Variants in C20orf203 observed in about 807,000 individuals in gnomAD.
C20orf203 encodes the protein uncharacterized protein C20orf203.
In C20orf203, 16 loss-of-function variants were observed where a neutral mutation model predicts 15.9. That is an observed-to-expected ratio of 1.01 (90% CI 0.68 to 1.53). The LOEUF (loss-of-function observed/expected upper bound fraction) is 1.53. Among genes scored for constraint, C20orf203 ranks in the 40% most tolerant of loss-of-function variants. The pLI, the probability that C20orf203 is intolerant of heterozygous loss-of-function variation, is 0.00. For synonymous variants in C20orf203, 98 were observed against 97.2 expected, an observed-to-expected ratio of 1.01 and a Z score of -0.05; for missense variants, 263 against 247.5, an observed-to-expected ratio of 1.06 and a Z score of -0.42.
At chr20:32,672,973 GA>G (rs1343272835) in intron 1 of C20orf203, among the ~76,000 whole-genome samples, 1 of 152,178 alleles carries the variant, frequency 6.6e-6, no homozygotes, top group Admixed American at 6.5e-5. Context: ...TTGAGAGCCA[GA>G]AGGCCTCAGG....
intron 1 of C20orf203, among the ~76,000 whole-genome samples, chr20:32,663,644 T>C (rs1982949315): frequency 6.6e-6 from 1 of 152,242 alleles, no homozygotes; most frequent in Non-Finnish European, 1.5e-5. Flanking sequence ...ATTGCATTTA[T>C]AATTAGACAT....
At chr20:32,670,062 C>A (rs1983125836) in intron 1 of C20orf203, among the ~76,000 whole-genome samples, 1 of 152,112 alleles carries the variant, frequency 6.6e-6, no homozygotes, top group African/African-American at 2.4e-5. Context: ...CTTAGCTGGG[C>A]ATGGTGGCGT....
At chr20:32,661,477 C>A (rs978155024) in intron 1 of C20orf203, among the ~76,000 whole-genome samples, 1 of 152,198 alleles carries the variant, frequency 6.6e-6, no homozygotes, top group Non-Finnish European at 1.5e-5. Flanking sequence ...GGTGTCCAGC[C>A]CTGGCCCTCC....
chr20:32,663,754 C>A (rs544961621), intron 1 of C20orf203, among the ~76,000 whole-genome samples: 8 of 152,352 alleles, frequency 5.3e-5, no homozygotes, highest in Non-Finnish European at 1.5e-5. Flanking sequence ...GCTGCTTGGG[C>A]GCTGGGCTCT....
chr20:32,655,302 T>C (rs146329578), intron 1 of C20orf203, among the ~76,000 whole-genome samples: 38 of 152,336 alleles, frequency 2.5e-4, no homozygotes, highest in African/African-American at 9.1e-4. Context: ...TCAGGCATGG[T>C]GGCTCACACC....
intron 1 of C20orf203, among the ~76,000 whole-genome samples, chr20:32,664,669 C>G (rs1349725932): frequency 1.3e-5 from 2 of 152,214 alleles, no homozygotes; most frequent in African/African-American, 2.4e-5. Flanking sequence ...GCTTGGCAGT[C>G]CCCCACAGTG....
intron 4 of C20orf203, among the ~76,000 whole-genome samples, chr20:32,646,631 G>A (rs1297860568): frequency 6.6e-6 from 1 of 152,216 alleles, no homozygotes; most frequent in Non-Finnish European, 1.5e-5. Flanking sequence ...GAAACACAAG[G>A]AATAGGCCCC....
chr20:32,654,654 G>A (rs1016391126), intron 1 of C20orf203, among the ~76,000 whole-genome samples: 2 of 152,052 alleles, frequency 1.3e-5, no homozygotes, highest in South Asian at 4.1e-4. Context: ...ACCAGCCTGG[G>A]TGATATGGTG....
chr20:32,648,082 C>T (rs949369236), intron 4 of C20orf203, among the ~76,000 whole-genome samples: 11 of 152,344 alleles, frequency 7.2e-5, no homozygotes, highest in Non-Finnish European at 1.5e-4. Context: ...ACTTGGGCTA[C>T]TTGCCCAAGG....
chr20:32,640,759 C>T (rs1380838626), intron 4 of C20orf203, 72 bp from the exon 5 acceptor site: 1 of 152,036 alleles, frequency 6.6e-6, no homozygotes, highest in Non-Finnish European at 1.5e-5. Context: ...TCATCATTCC[C>T]AAAAGAAACC....
In C20orf203 at chr20:32,650,891, A is replaced by T; in HGVS notation, c.136-10T>A. The T allele has an allele frequency of 6.9e-7, 1 of 1,446,892 alleles. No individual in the cohort carries two copies. Among genetic ancestry groups the T allele is most frequent in the Non-Finnish European group, 9.1e-7 (1 of 1,097,168 alleles). 89.6% of individuals were successfully genotyped at this position (1,446,892 alleles called of 1,614,324 possible). On this transcript the variant is annotated splice_polypyrimidine_tract_variant and intron_variant, in intron 3 of 5. Coordinates refer to ENST00000608990, the MANE Select transcript of C20orf203 (RefSeq NM_182584.4). ...CCAAGACTGATGTGGCCTGTTGGGA[A>T]CAAGGCCCCCAAGAAGATCATAGAA...
rs573914216 is a variant in C20orf203 at position 32,650,125 on chromosome 20, G to T, written c.*307C>A. ...GACCAAGCCAGAGAGATGTGCCAGC[G>T]CCTCCCAAGGGAGAAGCCATTCTCC... is the stretch of plus-strand genomic sequence containing the variant. On this transcript the variant is annotated 3_prime_UTR_variant, in exon 4 of 6. Transcript: ENST00000608990. 7 of 331,262 alleles carry T rather than the reference G, an allele frequency of 2.1e-5. No individual in the cohort carries two copies. In the South Asian group the frequency reaches 3.4e-4, roughly 16 times the overall value. 20.5% of individuals were successfully genotyped at this position (331,262 alleles called of 1,614,324 possible).
chr20:32,671,609 G>A (rs1234482471), intron 1 of C20orf203, among the ~76,000 whole-genome samples: 3 of 151,366 alleles, frequency 2.0e-5, no homozygotes, highest in Non-Finnish European at 4.4e-5. Context: ...TTGGGAGGCC[G>A]AGGTGGGCAA....
At chr20:32,634,731 A>G (rs1184848996) in intron 5 of C20orf203, among the ~76,000 whole-genome samples, 1 of 152,130 alleles carries the variant, frequency 6.6e-6, no homozygotes, top group Non-Finnish European at 1.5e-5. Context: ...GGCACCAGAC[A>G]ATGCATCTGA....
At chr20:32,654,788 G>A (rs1329300123) in intron 1 of C20orf203, among the ~76,000 whole-genome samples, 3 of 152,126 alleles carry the variant, frequency 2.0e-5, no homozygotes, top group African/African-American at 7.2e-5. Context: ...AGATTGCAGT[G>A]AACCAAGAAT....
intron 4 of C20orf203, among the ~76,000 whole-genome samples, chr20:32,643,935 C>G (rs1292522752): frequency 6.6e-6 from 1 of 152,162 alleles, no homozygotes; most frequent in Non-Finnish European, 1.5e-5. Context: ...ACCATGAAAG[C>G]ATCATGGCCC....
At position 32,642,846 on chromosome 20, in the gene C20orf203, G is replaced by C. The variant is rs547685477; in HGVS notation, c.*1178-2159C>G. Among the ~76,000 whole-genome samples, 6 of 152,202 alleles carry C rather than the reference G, an allele frequency of 3.9e-5. No individual in the cohort carries two copies. The South Asian group carries it at 1.0e-3, about 26-fold the overall frequency. Reference sequence around the variant, plus strand: ...ACCATCTCCTTGCTGTGTAACCATGGACAAGTTACTCTCCATCTCTGAGCC... The same window carrying C: ...ACCATCTCCTTGCTGTGTAACCATGCACAAGTTACTCTCCATCTCTGAGCC... On this transcript the variant is annotated intron_variant, in intron 4 of 5. Transcript: ENST00000608990.
chr20:32,645,710 G>A (rs2145666567), intron 4 of C20orf203, among the ~76,000 whole-genome samples: 1 of 152,284 alleles, frequency 6.6e-6, no homozygotes, highest in South Asian at 2.1e-4. Flanking sequence ...CCATCTTCAG[G>A]CTGTCTGAGA....
At chr20:32,641,981 GCACC>G (rs1378254451) in intron 4 of C20orf203, among the ~76,000 whole-genome samples, 1 of 152,036 alleles carries the variant, frequency 6.6e-6, no homozygotes, top group African/African-American at 2.4e-5. Flanking sequence ...GGGACTACAG[GCACC>G]AGGCACACAC....
Sources: gnomAD v4.1 joint callset for allele counts (sites outside exome capture counted in the v4.1 genomes callset) on GRCh38, gnomAD v4.1.1 for gene constraint, MANE v1.5 for transcripts, NCBI Gene and HGNC (gene_info 2026-07-23, HGNC 2026-07-21) for gene names.